Variants in SMARCAL1 observed in about 807,000 individuals in gnomAD.
SMARCAL1 encodes the protein SNF2 related chromatin remodeling annealing helicase 1, also known as ATP-driven annealing helicase.
In SMARCAL1, 58 loss-of-function variants were observed where a neutral mutation model predicts 94.5. That is an observed-to-expected ratio of 0.61 (90% confidence interval 0.50 to 0.76). The LOEUF (loss-of-function observed/expected upper bound fraction) is 0.76. Ranked by LOEUF, SMARCAL1 falls within the 30% of genes least tolerant of loss-of-function variation. The probability of loss-of-function intolerance (pLI) is 0.00; values close to 1 mark genes in which losing one functional copy is unlikely to be tolerated. For synonymous variants in SMARCAL1, 422 were observed against 455.1 expected (o/e 0.93, Z 0.93); for missense variants, 1,051 against 1,177.9 (o/e 0.89, Z 1.58).
chr2:216,420,403 C>T lies in SMARCAL1; in HGVS notation c.967C>T (p.Pro323Ser). The change falls in exon 5 of 18, where the codon CCA becomes TCA. Residue 323 changes from proline (P) to serine (S), a missense_variant. Around this residue, in one of 3 missense-constraint regions of SMARCAL1, gnomAD observed 398 missense variants for 395.2 expected, o/e 1.01. Transcript: ENST00000357276. ...CAGCAGTGAGGGACAGGCCGGCCTT[C>T]CATCAGCTCCATCCCTTTCATTTGT... ...STSSEGQAGL[P>S]SAPSLSFVKG... is the part of the protein sequence containing the mutation. 6.2e-7 allele frequency: 1 copy of T among 1,614,198 alleles called. No homozygotes were observed. The highest frequency in any genetic ancestry group is 1.1e-5 in the South Asian group (1 of 91,086).
chr2:216,414,695 C>G lies in SMARCAL1; in HGVS notation c.-10C>G. Reference sequence around the variant, plus strand: ...GGTTGACATTCCTGCATAAGCATTTCTCTGTGAAAATGTCCTTGCCTCTTA... The same window carrying G: ...GGTTGACATTCCTGCATAAGCATTTGTCTGTGAAAATGTCCTTGCCTCTTA... On this transcript the variant is annotated 5_prime_UTR_variant, in exon 3 of 18. Coordinates refer to ENST00000357276, the MANE Select transcript of SMARCAL1 (RefSeq NM_014140.4). 6.2e-7 allele frequency: 1 copy of G among 1,612,844 alleles called. No individual in the cohort carries two copies. Among genetic ancestry groups the G allele is most frequent in the Non-Finnish European group, 8.5e-7 (1 of 1,178,834 alleles).
rs11408208 is a variant in SMARCAL1 at position 216,434,851 on chromosome 2, AT to A, written c.1486-467del. 3.9e-3 allele frequency among the ~76,000 whole-genome samples: 457 copies of A among 117,366 alleles called. 1 individual carries two copies. Among genetic ancestry groups the A allele is most frequent in the Middle Eastern group, 9.6e-3 (2 of 208 alleles). The allele number at this position is 117,366 out of a possible 152,430, so 77.0% of individuals were successfully genotyped here. A position where few individuals can be genotyped will look rare whatever the true frequency, so the allele number is the denominator to read the frequency against. On this transcript the variant is annotated intron_variant, in intron 8 of 17. Coordinates refer to ENST00000357276, the MANE Select transcript of SMARCAL1 (RefSeq NM_014140.4). ...CAAAGTGAGACCAACACAACTCTCT[AT>A]TTTTTTTTTTTTTTTTTTTCTGAGA...
chr2:216,472,385 AAT>A (rs1427544566), intron 14 of SMARCAL1, among the ~76,000 whole-genome samples: 1 of 152,088 alleles, frequency 6.6e-6, no homozygotes, highest in African/African-American at 2.4e-5. Context: ...AAATAAATAA[AAT>A]AGTCATCCAT....
intron 12 of SMARCAL1, among the ~76,000 whole-genome samples, chr2:216,457,950 A>C (rs1694608538): frequency 6.6e-6 from 1 of 152,230 alleles, no homozygotes. Context: ...AAGATTAATA[A>C]AGGAGAAAAG....
intron 12 of SMARCAL1, among the ~76,000 whole-genome samples, chr2:216,459,524 A>G (rs1220127947): frequency 6.6e-6 from 1 of 152,194 alleles, no homozygotes; most frequent in African/African-American, 2.4e-5. Context: ...CCTCAGAAAC[A>G]ATACCACACA....
At chr2:216,479,446 GAGAA>G (rs1417616099) in intron 17 of SMARCAL1, among the ~76,000 whole-genome samples, 2 of 149,312 alleles carry the variant, frequency 1.3e-5, no homozygotes, top group Non-Finnish European at 3.0e-5. Flanking sequence ...AAAAAAAAAA[GAGAA>G]AGAAAAAAGT....
chr2:216,430,434 G>A (rs1018364377), intron 7 of SMARCAL1, among the ~76,000 whole-genome samples: 3 of 152,226 alleles, frequency 2.0e-5, no homozygotes, highest in Non-Finnish European at 4.4e-5. Flanking sequence ...AAGGCAGTCA[G>A]TTGCCTAAAG....
intron 7 of SMARCAL1, among the ~76,000 whole-genome samples, chr2:216,432,076 C>G (rs185095064): frequency 6.6e-6 from 1 of 151,854 alleles, no homozygotes; most frequent in East Asian, 1.9e-4. Flanking sequence ...GGCTGGAGTG[C>G]AATGGTGTGA....
At chr2:216,479,233 T>C (rs1695150252) in intron 17 of SMARCAL1, 1 of 152,236 alleles carries the variant, frequency 6.6e-6, no homozygotes, top group African/African-American at 2.4e-5. Flanking sequence ...CGGTAGCTTA[T>C]CAGGAAAGTG....
chr2:216,446,872 C>A, intron 10 of SMARCAL1, 146 bp from the exon 11 acceptor site: 1 of 830,786 alleles, frequency 1.2e-6, no homozygotes, highest in Non-Finnish European at 2.0e-6. Context: ...CATCTAACTG[C>A]TTGCATTGGC....
Position 216,420,505 on chromosome 2 carries a change from T to G in SMARCAL1, c.1069T>G (p.Phe357Val). ...ISYSQDLIAL[F>V]KQMDSRRYDV... Reference sequence around the variant, plus strand: ...TTATTCACAGGACCTTATTGCGCTTTTTAAACAGATGGATTCCAGAAGATA... The same window carrying G: ...TTATTCACAGGACCTTATTGCGCTTGTTAAACAGATGGATTCCAGAAGATA... Residue 357 changes from phenylalanine (F) to valine (V), a missense_variant, in exon 5 of 18, where the codon TTT becomes GTT. Physicochemically the swap from Phe to Val is conservative, Grantham distance 50 (BLOSUM62 -1). Transcript: ENST00000357276. 1 of 1,614,058 alleles carries G rather than the reference T, an allele frequency of 6.2e-7. No individual in the cohort carries two copies. Among genetic ancestry groups the G allele is most frequent in the Non-Finnish European group, 8.5e-7 (1 of 1,179,890 alleles).
intron 10 of SMARCAL1, among the ~76,000 whole-genome samples, chr2:216,446,116 C>CT (rs999032883): frequency 0.024 from 3,545 of 148,414 alleles, 139 homozygotes; most frequent in African/African-American, 0.08. Context: ...GGAAGAGTCT[C>CT]TTTTTTTTTT....
chr2:216,459,044 C>T (rs1053117495), intron 12 of SMARCAL1, among the ~76,000 whole-genome samples: 3 of 151,780 alleles, frequency 2.0e-5, no homozygotes, highest in African/African-American at 7.3e-5. Flanking sequence ...CAATAACAGA[C>T]AAACAGAGAG....
intron 14 of SMARCAL1, among the ~76,000 whole-genome samples, chr2:216,470,075 G>T (rs1694927219): frequency 6.6e-6 from 1 of 151,876 alleles, no homozygotes; most frequent in Non-Finnish European, 1.5e-5. Context: ...CTGTTGGATT[G>T]TTTTTTTCTT....
At position 216,450,900 on chromosome 2, in the gene SMARCAL1, C is replaced by T. The variant is rs1694435947; in HGVS notation, c.1906C>T (p.Leu636=). ...GSSNLGELKL[L]LEEAVMLRRL... ...CTCCAACCTGGGAGAGCTGAAGCTC[C>T]TGCTGGAGGAAGCAGTCATGCTGCG... Residue 636 remains leucine, a synonymous_variant, in exon 12 of 18, where the codon CTG becomes TTG. Coordinates refer to ENST00000357276, the MANE Select transcript of SMARCAL1 (RefSeq NM_014140.4). The T allele has an allele frequency of 6.2e-7, 1 of 1,614,088 alleles. No individual in the cohort carries two copies. The highest frequency in any genetic ancestry group is 8.5e-7 in the Non-Finnish European group (1 of 1,180,040).
intron 1 of SMARCAL1, among the ~76,000 whole-genome samples, chr2:216,413,597 T>C (rs1256975659): frequency 6.6e-6 from 1 of 152,264 alleles, no homozygotes; most frequent in Non-Finnish European, 1.5e-5. Context: ...AATTTTATTC[T>C]TTTTTGTTTA....
chr2:216,423,019 A>G (rs1271248541), intron 5 of SMARCAL1, among the ~76,000 whole-genome samples: 2 of 152,114 alleles, frequency 1.3e-5, no homozygotes, highest in Non-Finnish European at 2.9e-5. Flanking sequence ...TTTTCCTTTA[A>G]TTTCATGTAA....
chr2:216,482,774 A>G lies in SMARCAL1; in HGVS notation c.2662A>G (p.Lys888Glu). Residue 888 changes from lysine to glutamate, a missense_variant, in exon 18 of 18, where the codon AAG (lysine) becomes GAG (glutamate). This residue lies in a region of SMARCAL1 where 642 missense variants were observed against 754.7 expected (regional missense o/e 0.85). Coordinates refer to ENST00000357276, the MANE Select transcript of SMARCAL1 (RefSeq NM_014140.4). This position sits in a 1 kb window ranked among gnomAD's most constrained non-coding sequence, Gnocchi z 4.3. ...GCAGAAGATCTACGACCTATTCCAG[A>G]AGTCCTTTGAGAAAGAAGGAAGTGA... ...KQQKIYDLFQ[K>E]SFEKEGSDME... is the part of the protein sequence containing the mutation. 6.2e-7 allele frequency: 1 copy of G among 1,614,164 alleles called. No homozygotes were observed. The highest frequency in any genetic ancestry group is 8.5e-7 in the Non-Finnish European group (1 of 1,180,004).
chr2:216,424,428 T>C (rs1345985179), intron 6 of SMARCAL1, among the ~76,000 whole-genome samples: 1 of 152,218 alleles, frequency 6.6e-6, no homozygotes, highest in Non-Finnish European at 1.5e-5. Context: ...CTTATGTTCC[T>C]CTGCTTTTCT....
Sources: gnomAD v4.1 joint callset for allele counts (sites outside exome capture counted in the v4.1 genomes callset) on GRCh38, gnomAD v4.1.1 for gene constraint, gnomAD v4.1.1 regional missense constraint, Gnocchi (gnomAD v3.1) non-coding constraint, MANE v1.5 for transcripts, NCBI Gene and HGNC (gene_info 2026-07-23, HGNC 2026-07-21) for gene names.